ZNF804A: variants seen among roughly 807,000 people sequenced by gnomAD.
ZNF804A encodes zinc finger protein 804A.
In ZNF804A, 2 loss-of-function variants were observed where a neutral mutation model predicts 16.5. The observed-to-expected ratio is 0.12, with a 90% CI of 0.05 to 0.38. ZNF804A has a LOEUF of 0.38. Among genes scored for constraint, ZNF804A ranks in the 10% least tolerant of loss-of-function variants. The pLI is 0.99. For missense variants in ZNF804A, 1,473 were observed against 1,390.7 expected (o/e 1.06, Z -0.94); for synonymous variants, 534 against 489.6 (o/e 1.09, Z -1.20).
Position 184,938,699 on chromosome 2 carries a change from T to G in ZNF804A, c.3303T>G (p.Thr1101=), listed in dbSNP as rs753263841. The change falls in exon 4 of 4, where the codon ACT becomes ACG. Residue 1101 remains threonine, a synonymous_variant. Transcript: ENST00000302277. Reference sequence around the variant, plus strand: ...CCTCTGTAACCACTATCCATCACACTGTTTTGCAGCAGCACGCTGCAGCTG... The same window carrying G: ...CCTCTGTAACCACTATCCATCACACGGTTTTGCAGCAGCACGCTGCAGCTG... ...CSTSVTTIHH[T]VLQQHAAAAA... 3 of 1,613,572 alleles carry G rather than the reference T, an allele frequency of 1.9e-6. No individual in the cohort carries two copies. Among genetic ancestry groups the G allele is most frequent in the African/African-American group, 2.7e-5 (2 of 74,830 alleles).
chr2:184,779,766 C>T (rs921069049), intron 1 of ZNF804A, among the ~76,000 whole-genome samples: 13 of 151,652 alleles, frequency 8.6e-5, no homozygotes, highest in African/African-American at 2.2e-4. Context: ...CAGAATGGAA[C>T]GCAACTCCGC....
intron 1 of ZNF804A, among the ~76,000 whole-genome samples, chr2:184,791,142 T>C (rs1277420448): frequency 6.6e-6 from 1 of 152,190 alleles, no homozygotes; most frequent in Non-Finnish European, 1.5e-5. Context: ...CCACTCTGTA[T>C]CTTTTTAGTG....
chr2:184,894,655 T>G (rs1304755725), intron 2 of ZNF804A, among the ~76,000 whole-genome samples: 1 of 152,098 alleles, frequency 6.6e-6, no homozygotes, highest in African/African-American at 2.4e-5. Flanking sequence ...AATATACTTA[T>G]CTTTGTGTAT....
At chr2:184,723,625 A>C (rs561746832) in intron 1 of ZNF804A, among the ~76,000 whole-genome samples, 19 of 151,802 alleles carry the variant, frequency 1.3e-4, no homozygotes, top group Non-Finnish European at 2.5e-4. Flanking sequence ...GGTTACTTTA[A>C]TGAAAACATT....
At chr2:184,712,627 C>G (rs1693147804) in intron 1 of ZNF804A, among the ~76,000 whole-genome samples, 1 of 151,604 alleles carries the variant, frequency 6.6e-6, no homozygotes, top group African/African-American at 2.4e-5. Flanking sequence ...TGATTCCTTT[C>G]TTTTGTTCTT....
intron 1 of ZNF804A, among the ~76,000 whole-genome samples, chr2:184,688,145 C>A (rs1369029844): frequency 6.6e-6 from 1 of 151,848 alleles, no homozygotes; most frequent in Non-Finnish European, 1.5e-5. Flanking sequence ...CAAAACAGAA[C>A]AATTTTATAA....
chr2:184,824,191 C>T (rs79895120), intron 1 of ZNF804A, among the ~76,000 whole-genome samples: 6,083 of 152,074 alleles, frequency 0.04, 387 homozygotes, highest in African/African-American at 0.13. Context: ...CAATGCCACA[C>T]TGAAAATTAA....
At chr2:184,811,808 TAATA>T (rs1219928721) in intron 1 of ZNF804A, among the ~76,000 whole-genome samples, 3 of 152,232 alleles carry the variant, frequency 2.0e-5, no homozygotes, top group African/African-American at 7.2e-5. Context: ...CCATCTTAAT[TAATA>T]TTTTAACATT....
At chr2:184,740,987 G>C (rs1304297025) in intron 1 of ZNF804A, among the ~76,000 whole-genome samples, 2 of 152,070 alleles carry the variant, frequency 1.3e-5, no homozygotes, top group African/African-American at 4.8e-5. Flanking sequence ...GATGTCGGTT[G>C]TAAAATTATA....
At chr2:184,920,056 G>A (rs1027632787) in intron 2 of ZNF804A, among the ~76,000 whole-genome samples, 3 of 152,066 alleles carry the variant, frequency 2.0e-5, no homozygotes, top group Admixed American at 6.6e-5. Context: ...AGGAGGTTGC[G>A]GTGAGCCTAG....
chr2:184,713,987 G>A (rs1693175078), intron 1 of ZNF804A, among the ~76,000 whole-genome samples: 1 of 151,928 alleles, frequency 6.6e-6, no homozygotes, highest in South Asian at 2.1e-4. Flanking sequence ...AATAGGCTAT[G>A]CAATAAGATT....
At chr2:184,715,837 T>C (rs1693203839) in intron 1 of ZNF804A, among the ~76,000 whole-genome samples, 2 of 152,200 alleles carry the variant, frequency 1.3e-5, no homozygotes, top group African/African-American at 4.8e-5. Context: ...GATAAGGAAT[T>C]ACAATATGTT....
intron 1 of ZNF804A, among the ~76,000 whole-genome samples, chr2:184,832,563 C>CG (rs1449094846): frequency 6.6e-6 from 1 of 151,860 alleles, no homozygotes; most frequent in African/African-American, 2.4e-5. Context: ...ACTTAGATAT[C>CG]AAGAGATGAG....
At chr2:184,695,297 T>TA (rs1297352857) in intron 1 of ZNF804A, among the ~76,000 whole-genome samples, 1 of 151,446 alleles carries the variant, frequency 6.6e-6, no homozygotes, top group African/African-American at 2.4e-5. Context: ...CCGTCTCTAC[T>TA]AAAAATACAA....
intron 1 of ZNF804A, among the ~76,000 whole-genome samples, chr2:184,849,228 A>C (rs539366645): frequency 4.9e-4 from 74 of 152,092 alleles, no homozygotes; most frequent in Admixed American, 1.1e-3. Context: ...TTGGGTTGTT[A>C]ATTTATCAGT....
chr2:184,831,155 A>T (rs553756697), intron 1 of ZNF804A, among the ~76,000 whole-genome samples: 22 of 152,258 alleles, frequency 1.4e-4, no homozygotes, highest in African/African-American at 5.1e-4. Context: ...TTCCAGGTAC[A>T]GCACCACTTA....
At chr2:184,734,931 A>C (rs573652643) in intron 1 of ZNF804A, among the ~76,000 whole-genome samples, 1 of 152,254 alleles carries the variant, frequency 6.6e-6, no homozygotes, top group African/African-American at 2.4e-5. Context: ...CCTTATCTCC[A>C]ATAACTTTTC....
intron 1 of ZNF804A, among the ~76,000 whole-genome samples, chr2:184,606,907 C>A (rs1241215433): frequency 6.6e-6 from 1 of 152,062 alleles, no homozygotes; most frequent in Non-Finnish European, 1.5e-5. Context: ...AGACCCTTAA[C>A]TGATACAGTG....
At chr2:184,783,320 A>G (rs1169198360) in intron 1 of ZNF804A, among the ~76,000 whole-genome samples, 1 of 151,520 alleles carries the variant, frequency 6.6e-6, no homozygotes, top group Non-Finnish European at 1.5e-5. Flanking sequence ...GAAGCTTCCA[A>G]GTTTTTATTA....
Sources: gnomAD v4.1 joint callset for allele counts (sites outside exome capture counted in the v4.1 genomes callset) on GRCh38, gnomAD v4.1.1 for gene constraint, MANE v1.5 for transcripts, NCBI Gene and HGNC (gene_info 2026-07-23, HGNC 2026-07-21) for gene names.